DCLK2: variants seen among roughly 807,000 people sequenced by gnomAD.
DCLK2 encodes doublecortin like kinase 2, also known as serine/threonine-protein kinase DCLK2.
DCLK2 carries 31 observed loss-of-function variants against 78.4 expected under a neutral mutation model. The ratio of observed to expected loss-of-function variants is 0.40; its 90% CI spans 0.30 to 0.53. DCLK2 has a LOEUF of 0.53. Among genes scored for constraint, DCLK2 ranks in the 20% least tolerant of loss-of-function variants. The pLI is 0.61. For missense variants in DCLK2, 872 were observed against 973.7 expected, an observed-to-expected ratio of 0.90 and a Z score of 1.39; for synonymous variants, 407 against 374.9, an observed-to-expected ratio of 1.09 and a Z score of -0.99.
chr4:150,254,834 C>T (rs1744445144), intron 15 of DCLK2, among the ~76,000 whole-genome samples: 2 of 152,148 alleles, frequency 1.3e-5, no homozygotes, highest in Middle Eastern at 3.2e-3. Context: ...TGCACGCCAC[C>T]TTGCCCGGCT....
At chr4:150,236,267 T>C (rs1232028367) in intron 10 of DCLK2, among the ~76,000 whole-genome samples, 1 of 152,174 alleles carries the variant, frequency 6.6e-6, no homozygotes, top group East Asian at 1.9e-4. Context: ...TCAAAATCTG[T>C]AAGTAAGTGC....
intron 2 of DCLK2, among the ~76,000 whole-genome samples, chr4:150,146,450 T>C (rs945272386): frequency 6.6e-6 from 1 of 152,224 alleles, no homozygotes; most frequent in African/African-American, 2.4e-5. Context: ...TTGTGCTAAT[T>C]ATTAATGTTC....
At chr4:150,122,074 G>A (rs1459242043) in intron 2 of DCLK2, among the ~76,000 whole-genome samples, 1 of 152,134 alleles carries the variant, frequency 6.6e-6, no homozygotes, top group Admixed American at 6.5e-5. Flanking sequence ...CTTAGGATTT[G>A]GGGAATGGTA....
intron 1 of DCLK2, among the ~76,000 whole-genome samples, chr4:150,097,172 CTTTT>C (rs35494411): frequency 7.5e-6 from 1 of 133,994 alleles, no homozygotes; most frequent in Non-Finnish European, 1.6e-5. Context: ...AATTTCTAGC[CTTTT>C]TTTTTTTTTT....
Position 150,248,325 on chromosome 4 carries a change from T to C in DCLK2, c.1896T>C (p.Leu632=). The C allele has an allele frequency of 6.2e-7, 1 of 1,614,018 alleles. No individual in the cohort carries two copies. Among genetic ancestry groups the C allele is most frequent in the Non-Finnish European group, 8.5e-7 (1 of 1,180,006 alleles). ...TGTAGGAATTAATCAGTCAAATGCT[T>C]CAGGTAAATGTTGAAGCTCGGTGTA... ...DSAKELISQM[L]QVNVEARCTA... The change falls in exon 14 of 16, where the codon CTT becomes CTC. Residue 632 remains leucine, a synonymous_variant. Coordinates refer to ENST00000296550, the MANE Select transcript of DCLK2 (RefSeq NM_001040260.4).
At chr4:150,215,982 C>A (rs916115047) in intron 5 of DCLK2, among the ~76,000 whole-genome samples, 2 of 152,190 alleles carry the variant, frequency 1.3e-5, no homozygotes, top group South Asian at 2.1e-4. Flanking sequence ...GTTAATGAGC[C>A]AGGAACATGG....
intron 4 of DCLK2, among the ~76,000 whole-genome samples, chr4:150,198,584 C>G (rs1016905706): frequency 6.6e-6 from 1 of 152,020 alleles, no homozygotes; most frequent in Non-Finnish European, 1.5e-5. Context: ...TAGTATTTTG[C>G]TTATTTAAGA....
intron 2 of DCLK2, among the ~76,000 whole-genome samples, chr4:150,141,319 G>A (rs902805253): frequency 6.6e-6 from 1 of 152,154 alleles, no homozygotes. Context: ...CACTTGGATA[G>A]TTCCCTGAAA....
chr4:150,110,764 G>T (rs1303634984), intron 2 of DCLK2, among the ~76,000 whole-genome samples: 1 of 152,122 alleles, frequency 6.6e-6, no homozygotes, highest in East Asian at 1.9e-4. Flanking sequence ...AGTTACTACA[G>T]GTAGAAGAAT....
chr4:150,156,747 T>C (rs1193902492), intron 2 of DCLK2, among the ~76,000 whole-genome samples: 1 of 68,982 alleles, frequency 1.4e-5, no homozygotes, highest in African/African-American at 5.0e-5. Context: ...ACTATTTTAT[T>C]TATTTATTTA....
chr4:150,091,089 G>A (rs769959905), intron 1 of DCLK2, among the ~76,000 whole-genome samples: 60 of 152,074 alleles, frequency 3.9e-4, no homozygotes, highest in Non-Finnish European at 6.9e-4. Flanking sequence ...TTGCCATGAC[G>A]GAATAATAAA....
intron 2 of DCLK2, among the ~76,000 whole-genome samples, chr4:150,121,290 C>G (rs1560789210): frequency 8.8e-6 from 1 of 114,144 alleles, no homozygotes; most frequent in Non-Finnish European, 1.9e-5. Context: ...GTCAATCCTT[C>G]CAAGTCCTGC....
chr4:150,114,795 G>T (rs925268961), intron 2 of DCLK2, among the ~76,000 whole-genome samples: 1 of 152,162 alleles, frequency 6.6e-6, no homozygotes, highest in Non-Finnish European at 1.5e-5. Flanking sequence ...GTTACGTGAT[G>T]CTTTTGTCTC....
intron 2 of DCLK2, among the ~76,000 whole-genome samples, chr4:150,171,618 T>C (rs1041620566): frequency 1.3e-5 from 2 of 152,254 alleles, no homozygotes; most frequent in East Asian, 1.9e-4. Flanking sequence ...GGGATTGTAG[T>C]GTTAACTGGA....
At chr4:150,205,162 C>T (rs1212565249) in intron 5 of DCLK2, among the ~76,000 whole-genome samples, 1 of 152,108 alleles carries the variant, frequency 6.6e-6, no homozygotes, top group African/African-American at 2.4e-5. Context: ...TAGAACTCCA[C>T]CACCCTTGCA....
intron 8 of DCLK2, among the ~76,000 whole-genome samples, chr4:150,229,680 C>T (rs941465464): frequency 1.3e-5 from 2 of 152,098 alleles, no homozygotes; most frequent in African/African-American, 4.8e-5. Context: ...TCACCATGTC[C>T]AAAGATAAGG....
chr4:150,123,576 G>A (rs1257724060), intron 2 of DCLK2, among the ~76,000 whole-genome samples: 1 of 152,184 alleles, frequency 6.6e-6, no homozygotes, highest in Non-Finnish European at 1.5e-5. Flanking sequence ...TGACAGACGT[G>A]AAGCGAGCAC....
chr4:150,136,921 A>G (rs1247656037), intron 2 of DCLK2, among the ~76,000 whole-genome samples: 2 of 151,436 alleles, frequency 1.3e-5, no homozygotes, highest in Non-Finnish European at 2.9e-5. Context: ...TGGAGAACCT[A>G]GCATATAACT....
intron 5 of DCLK2, among the ~76,000 whole-genome samples, chr4:150,215,779 G>GT (rs1740663759): frequency 6.6e-6 from 1 of 152,196 alleles, no homozygotes; most frequent in South Asian, 2.1e-4. Flanking sequence ...GGTTTGTTCT[G>GT]TTTTTTCTTA....
Sources: gnomAD v4.1 joint callset for allele counts (sites outside exome capture counted in the v4.1 genomes callset) on GRCh38, gnomAD v4.1.1 for gene constraint, MANE v1.5 for transcripts, NCBI Gene and HGNC (gene_info 2026-07-23, HGNC 2026-07-21) for gene names.